The following CEP350 variants were observed in gnomAD, a reference collection of about 807,000 sequenced individuals.
The protein encoded by CEP350 is centrosome-associated protein 350.
A neutral mutation model predicts 331.8 loss-of-function variants in CEP350; 126 were observed. That is an observed-to-expected ratio of 0.38 (90% CI 0.33 to 0.44). The LOEUF (loss-of-function observed/expected upper bound fraction) is 0.44. CEP350 is among the 20% of genes least tolerant of loss of function. CEP350 has a pLI of 1.00. For missense variants in CEP350, 3,406 were observed against 3,634.6 expected (o/e 0.94, Z 1.62); for synonymous variants, 1,200 against 1,259.5 (o/e 0.95, Z 1.00).
intron 31 of CEP350, 96 bp from the exon 32 acceptor site, chr1:180,087,482 C>T (rs1462211954): frequency 2.6e-6 from 3 of 1,133,530 alleles, no homozygotes; most frequent in South Asian, 3.7e-5. Context: ...ATCTTCTTTA[C>T]TGTTTGAGCA....
In CEP350 at chr1:179,955,161, T is replaced by G; in HGVS notation, c.-14+19T>G. ...CTCTCAGGTGAGCTCCTGTAGGACCTGGCTGGGACCGCGGAGTCTCGCTCA... is the reference window on the plus strand; with the variant it reads ...CTCTCAGGTGAGCTCCTGTAGGACCGGGCTGGGACCGCGGAGTCTCGCTCA... On this transcript the variant is annotated intron_variant, in intron 1 of 37. Coordinates refer to ENST00000367607, the MANE Select transcript of CEP350 (RefSeq NM_014810.5). 2 of 1,411,656 alleles carry G rather than the reference T, an allele frequency of 1.4e-6. No individual in the cohort carries two copies. Among genetic ancestry groups the G allele is most frequent in the East Asian group, 3.5e-5 (1 of 28,896 alleles). The allele number at this position is 1,411,656 out of a possible 1,614,324, so 87.4% of individuals were successfully genotyped here.
chr1:180,065,082 G>T lies in CEP350; in HGVS notation c.5410-33G>T, dbSNP rs553900491. 2.6e-5 allele frequency: 41 copies of T among 1,559,706 alleles called. 1 individual carries two copies. The highest frequency in any genetic ancestry group is 6.4e-5 in the Admixed American group (3 of 46,930). On this transcript the variant is annotated intron_variant, in intron 26 of 37. Transcript: ENST00000367607. ...ATGATGGCTTCAAGGTCCTATTAAA[G>T]TCCAATACAATTTTGCCTCTTTTTG...
chr1:180,085,126 C>T (rs539289182), intron 31 of CEP350, among the ~76,000 whole-genome samples: 1 of 150,662 alleles, frequency 6.6e-6, no homozygotes, highest in East Asian at 1.9e-4. Flanking sequence ...CCTTTCCCTT[C>T]CCCTTTCCCC....
rs564823252 is a variant in CEP350 at position 179,974,262 on chromosome 1, A to C, written c.-13-11907A>C. ...GTCTGGCTAATTTTTTGGTATTTTT[A>C]GTAGAGACAGAGTTTCACCATGTTA... On this transcript the variant is annotated intron_variant, in intron 1 of 37. Transcript: ENST00000367607. Among the ~76,000 whole-genome samples, 59 of 152,108 alleles carry C rather than the reference A, an allele frequency of 3.9e-4. No individual in the cohort carries two copies. The South Asian group carries it at 5.0e-3, about 13-fold the overall frequency.
chr1:180,090,858 CTACAAAA>C (rs2149123673), intron 33 of CEP350, 62 bp downstream of exon 33: 1 of 1,302,982 alleles, frequency 7.7e-7, no homozygotes, highest in East Asian at 2.9e-5. Flanking sequence ...ATGCAAAGGC[CTACAAAA>C]TTCTACCTCT....
chr1:180,035,707 G>C (rs541810488), intron 16 of CEP350, among the ~76,000 whole-genome samples: 75 of 151,928 alleles, frequency 4.9e-4, no homozygotes, highest in African/African-American at 1.8e-3. Flanking sequence ...GTTTTTTTCA[G>C]AATTTGAAAA....
chr1:180,111,676 AT>A lies in CEP350; in HGVS notation c.*518del, dbSNP rs1263712517. 6.5e-6 allele frequency: 1 copy of A among 152,676 alleles called. No individual in the cohort carries two copies. Among genetic ancestry groups the A allele is most frequent in the Non-Finnish European group, 1.5e-5 (1 of 68,078 alleles). 9.5% of individuals were successfully genotyped at this position (152,676 alleles called of 1,614,324 possible). ...AACTTCACATTCTGGAGTTTATTTCATTTCTTTTTGAAGACCATTTTCTTCC... is the reference window on the plus strand; with the variant it reads ...AACTTCACATTCTGGAGTTTATTTCATTCTTTTTGAAGACCATTTTCTTCC... On this transcript the variant is annotated 3_prime_UTR_variant, in exon 38 of 38. Transcript: ENST00000367607.
intron 5 of CEP350, among the ~76,000 whole-genome samples, chr1:179,996,304 T>A (rs1198003457): frequency 1.3e-5 from 2 of 152,214 alleles, no homozygotes; most frequent in Non-Finnish European, 2.9e-5. Flanking sequence ...CTAGTTTTTG[T>A]ACTTTTATGA....
chr1:179,969,375 G>T, intron 1 of CEP350: 1 of 515,764 alleles, frequency 1.9e-6, no homozygotes. Flanking sequence ...GTTGCAGACT[G>T]GTCTGAGGGC....
In CEP350 at chr1:180,034,144, T is replaced by C. The variant is rs574460375; in HGVS notation, c.3946+62T>C. On this transcript the variant is annotated intron_variant, in intron 16 of 37. Coordinates refer to ENST00000367607, the MANE Select transcript of CEP350 (RefSeq NM_014810.5). ...GATATGAAATTTTTTTCTCTCAACA[T>C]TCCTTTTCTTTGTTTGAGTTGAGTC... 5.3e-6 allele frequency: 8 copies of C among 1,500,248 alleles called. 1 individual carries two copies. In the East Asian group the frequency reaches 9.6e-5, roughly 18 times the overall value. The allele number at this position is 1,500,248 out of a possible 1,614,324, so 92.9% of individuals were successfully genotyped here.
In CEP350 at chr1:180,014,168, A is replaced by C; in HGVS notation, c.1715A>C (p.Lys572Thr). 6.2e-7 allele frequency: 1 copy of C among 1,608,666 alleles called. No homozygotes were observed. The highest frequency in any genetic ancestry group is 1.3e-5 in the African/African-American group (1 of 74,992). Residue 572 changes from lysine (K) to threonine (T), a missense_variant, in exon 10 of 38, where the codon AAA (lysine) becomes ACA (threonine). Transcript: ENST00000367607. Reference sequence around the variant, plus strand: ...AGGAGTCACAGCCCAGTAAAAAGAAAACCTGACAAAATAACAGCTAATGAA... The same window carrying C: ...AGGAGTCACAGCCCAGTAAAAAGAACACCTGACAAAATAACAGCTAATGAA... ...APRSHSPVKR[K>T]PDKITANEDP...
intron 1 of CEP350, among the ~76,000 whole-genome samples, chr1:179,983,443 C>T (rs1652430557): frequency 6.6e-6 from 1 of 152,090 alleles, no homozygotes; most frequent in Admixed American, 6.5e-5. Flanking sequence ...CCATGTTGGC[C>T]AGGCTGGTCT....
At position 180,104,374 on chromosome 1, in the gene CEP350, AT is replaced by A. The variant is rs1251370722; in HGVS notation, c.9189+5397del. 2.6e-5 allele frequency among the ~76,000 whole-genome samples: 4 copies of A among 151,998 alleles called. No homozygotes were observed. The East Asian group carries it at 7.7e-4, about 29-fold the overall frequency. ...GAAGTCACCTTTTCCTATAAAATGG[AT>A]TTTTTTTATTGTTTTTCTAGAGCTT... On this transcript the variant is annotated intron_variant, in intron 37 of 37. Coordinates refer to ENST00000367607, the MANE Select transcript of CEP350 (RefSeq NM_014810.5).
At chr1:179,979,348 G>A (rs1009720153) in intron 1 of CEP350, among the ~76,000 whole-genome samples, 3 of 147,530 alleles carry the variant, frequency 2.0e-5, no homozygotes, top group Non-Finnish European at 4.5e-5. Context: ...CATGTTTCTT[G>A]ACCATTTGTG....
At chr1:180,100,769 A>G (rs567907191) in intron 37 of CEP350, among the ~76,000 whole-genome samples, 1 of 152,370 alleles carries the variant, frequency 6.6e-6, no homozygotes, top group East Asian at 1.9e-4. Flanking sequence ...AAAGATGAAT[A>G]CATGGCAGCA....
In CEP350 at chr1:180,015,902, G is replaced by A; in HGVS notation, c.2106G>A (p.Gln702=). The part of the protein sequence containing the change: ...SGESDKENKV[Q]ERPPSASSSS... ...AATCTGACAAAGAAAACAAAGTACAGGAACGTCCCCCAAGTGCATCTTCCA... is the reference window on the plus strand; with the variant it reads ...AATCTGACAAAGAAAACAAAGTACAAGAACGTCCCCCAAGTGCATCTTCCA... The change falls in exon 11 of 38, where the codon CAG becomes CAA. Residue 702 remains glutamine, a synonymous_variant. Transcript: ENST00000367607. 6.2e-7 allele frequency: 1 copy of A among 1,613,872 alleles called. No individual in the cohort carries two copies.
intron 1 of CEP350, among the ~76,000 whole-genome samples, chr1:179,961,844 C>G (rs1047156174): frequency 3.3e-5 from 5 of 152,024 alleles, no homozygotes; most frequent in Non-Finnish European, 7.4e-5. Flanking sequence ...TACCCCTTAC[C>G]TGTCACTTCC....
chr1:180,029,997 C>A (rs888582943), intron 14 of CEP350, among the ~76,000 whole-genome samples: 1 of 152,028 alleles, frequency 6.6e-6, no homozygotes, highest in African/African-American at 2.4e-5. Flanking sequence ...TCAGAATGTT[C>A]TTCCTTTTAA....
chr1:180,078,081 C>G (rs546620255), intron 28 of CEP350, among the ~76,000 whole-genome samples: 1 of 151,578 alleles, frequency 6.6e-6, no homozygotes, highest in African/African-American at 2.4e-5. Flanking sequence ...TACAGTGAGC[C>G]GAGATCATGC....
Sources: allele counts gnomAD v4.1 joint callset (sites outside exome capture counted in the v4.1 genomes callset), GRCh38; gene constraint gnomAD v4.1.1; transcripts MANE v1.5; gene names NCBI Gene and HGNC (gene_info 2026-07-23, HGNC 2026-07-21).